Variants in FAM174A observed in about 807,000 individuals in gnomAD.
FAM174A encodes family with sequence similarity 174 member A.
In FAM174A, 14 loss-of-function variants were observed where a neutral mutation model predicts 14.3. The ratio of observed to expected loss-of-function variants is 0.98; its 90% CI spans 0.65 to 1.53. The LOEUF (loss-of-function observed/expected upper bound fraction) is 1.53. FAM174A is among the 40% of genes most tolerant of loss of function. The pLI, the probability that FAM174A is intolerant of heterozygous loss-of-function variation, is 0.00. For synonymous variants in FAM174A, 108 were observed against 111.4 expected, an observed-to-expected ratio of 0.97 and a Z score of 0.19; for missense variants, 241 against 249.6, an observed-to-expected ratio of 0.97 and a Z score of 0.23.
At chr5:100,573,960 T>G (rs572204912) in intron 2 of FAM174A, among the ~76,000 whole-genome samples, 28 of 151,164 alleles carry the variant, frequency 1.9e-4, no homozygotes, top group South Asian at 6.3e-4. Context: ...AACCTGAGGG[T>G]TTTTTTTTCT....
At chr5:100,549,527 T>G (rs1425154838) in intron 1 of FAM174A, among the ~76,000 whole-genome samples, 1 of 151,850 alleles carries the variant, frequency 6.6e-6, no homozygotes, top group Non-Finnish European at 1.5e-5. Context: ...TGTACTGAAT[T>G]ACAAGGAGTT....
intron 2 of FAM174A, among the ~76,000 whole-genome samples, chr5:100,566,036 G>T (rs1003610256): frequency 1.9e-4 from 28 of 150,108 alleles, no homozygotes; most frequent in Non-Finnish European, 2.2e-4. Context: ...CTCCCACCAG[G>T]TTCCTTCCAT....
rs1454469590 is a variant in FAM174A at position 100,586,486 on chromosome 5, A to C, written c.*302A>C. The C allele has an allele frequency of 2.1e-5, 4 of 193,952 alleles. No homozygotes were observed. Among genetic ancestry groups the C allele is most frequent in the Non-Finnish European group, 4.2e-5 (4 of 95,778 alleles). 12.0% of individuals were successfully genotyped at this position (193,952 alleles called of 1,614,324 possible). A position where few individuals can be genotyped will look rare whatever the true frequency, so the allele number is the denominator to read the frequency against. On this transcript the variant is annotated 3_prime_UTR_variant, in exon 3 of 3. Transcript: ENST00000312637. ...TCGGTTTTTGTTTCCTGCTTACCAT[A>C]TGATTGTAAATTGTTTTATGTATTA...
intron 1 of FAM174A, among the ~76,000 whole-genome samples, chr5:100,545,798 A>T (rs183807093): frequency 4.3e-4 from 65 of 152,334 alleles, no homozygotes; most frequent in African/African-American, 1.5e-3. Flanking sequence ...AATTCACATT[A>T]TTAATATATG....
chr5:100,543,911 A>C (rs1746114945), intron 1 of FAM174A, among the ~76,000 whole-genome samples: 1 of 152,240 alleles, frequency 6.6e-6, no homozygotes, highest in Admixed American at 6.5e-5. Context: ...GTGATTCCAG[A>C]CCATTTTGAG....
chr5:100,555,190 G>C lies in FAM174A; in HGVS notation c.435-6864G>C, dbSNP rs546103295. 2.1e-5 allele frequency among the ~76,000 whole-genome samples: 3 copies of C among 145,362 alleles called. No homozygotes were observed. The East Asian group carries it at 6.3e-4, about 31-fold the overall frequency. On this transcript the variant is annotated intron_variant, in intron 1 of 2. Coordinates refer to ENST00000312637, the MANE Select transcript of FAM174A (RefSeq NM_198507.3). ...GAGAACATGCGGTGTTTGGTTTTTT[G>C]TCCTTGCGACAGTTTGCTGAGAATG...
At chr5:100,581,484 GGC>G (rs1481242152) in intron 2 of FAM174A, 2 of 672,076 alleles carry the variant, frequency 3.0e-6, no homozygotes, top group Non-Finnish European at 3.7e-6. Context: ...CCAGCATGGT[GGC>G]TCATGCCTGT....
chr5:100,558,538 T>C (rs1004274531), intron 1 of FAM174A, among the ~76,000 whole-genome samples: 1 of 152,124 alleles, frequency 6.6e-6, no homozygotes, highest in African/African-American at 2.4e-5. Context: ...GACAGTGGGG[T>C]ATTAAAGTCT....
chr5:100,535,854 C>T lies in FAM174A; in HGVS notation c.324C>T (p.Gly108=). Residue 108 remains glycine (G), a synonymous_variant, in exon 1 of 3, where the codon GGC becomes GGT. Transcript: ENST00000312637. ...CCGGGGAAGGCTCGGTGGGTGGCGG[C>T]CTTGCTGTGAGCCCCAACCCTGGCG... is the stretch of plus-strand genomic sequence containing the variant. ...GKAGEGSVGG[G]LAVSPNPGDK... is the part of the protein sequence containing the mutation. The T allele has an allele frequency of 6.2e-7, 1 of 1,612,308 alleles. No homozygotes were observed.
rs1580381708 is a variant in FAM174A at position 100,586,423 on chromosome 5, T to C, written c.*239T>C. 2 of 275,102 alleles carry C rather than the reference T, an allele frequency of 7.3e-6. No individual in the cohort carries two copies. The highest frequency in any genetic ancestry group is 1.1e-4 in the East Asian group (2 of 18,148). The allele number at this position is 275,102 out of a possible 1,614,324, so 17.0% of individuals were successfully genotyped here. On this transcript the variant is annotated 3_prime_UTR_variant, in exon 3 of 3. Coordinates refer to ENST00000312637, the MANE Select transcript of FAM174A (RefSeq NM_198507.3). ...GGGGATAAAGTATACTGTAATAATT[T>C]ATCTGTTTGAAAATTACTATAAAAC... is the stretch of plus-strand genomic sequence containing the variant.
chr5:100,578,541 T>C (rs190659002), intron 2 of FAM174A, among the ~76,000 whole-genome samples: 18 of 152,332 alleles, frequency 1.2e-4, no homozygotes, highest in Admixed American at 7.8e-4. Flanking sequence ...AGGATGACAC[T>C]AGAATTCAGG....
chr5:100,539,460 T>G (rs1314790835), intron 1 of FAM174A, among the ~76,000 whole-genome samples: 1 of 152,144 alleles, frequency 6.6e-6, no homozygotes, highest in Non-Finnish European at 1.5e-5. Flanking sequence ...AACGTTAGGT[T>G]TTTTCAAAGA....
Position 100,535,555 on chromosome 5 carries a change from T to TGTC in FAM174A, c.26_28dup (p.Cys9_Leu10insArg). The TGTC allele has an allele frequency of 1.2e-6, 2 of 1,613,160 alleles. No homozygotes were observed. The highest frequency in any genetic ancestry group is 1.7e-6 in the Non-Finnish European group (2 of 1,179,946). On this transcript the variant is annotated inframe_insertion, in exon 1 of 3. Transcript: ENST00000312637. Reference sequence around the variant, plus strand: ...GATGAAGGCCTCGCAGTGCTGCTGCTGTCTCAGCCACCTCTTGGCTTCCGT... The same window carrying TGTC: ...GATGAAGGCCTCGCAGTGCTGCTGCTGTCGTCTCAGCCACCTCTTGGCTTCCGT...
At chr5:100,562,023 T>C in intron 1 of FAM174A, 31 bp from the exon 2 acceptor site, 1 of 1,294,876 alleles carries the variant, frequency 7.7e-7, no homozygotes, top group Non-Finnish European at 1.1e-6. Flanking sequence ...TATTAAATAA[T>C]TTTTATTCAT....
At chr5:100,568,007 G>T (rs929535313) in intron 2 of FAM174A, among the ~76,000 whole-genome samples, 4 of 151,882 alleles carry the variant, frequency 2.6e-5, no homozygotes, top group Non-Finnish European at 5.9e-5. Context: ...ATTCTTGCCT[G>T]ATCTAATCTT....
chr5:100,580,491 G>A (rs765385590), intron 2 of FAM174A, among the ~76,000 whole-genome samples: 4 of 152,164 alleles, frequency 2.6e-5, no homozygotes, highest in African/African-American at 7.2e-5. Context: ...TCCGATATTC[G>A]ACGACAGGAA....
intron 2 of FAM174A, among the ~76,000 whole-genome samples, chr5:100,564,391 G>A (rs898757958): frequency 6.6e-6 from 1 of 151,690 alleles, no homozygotes; most frequent in African/African-American, 2.4e-5. Context: ...ATTGCTAGGA[G>A]AGAAGTTTAT....
chr5:100,545,371 G>A lies in FAM174A; in HGVS notation c.434+9407G>A, dbSNP rs528984107. Among the ~76,000 whole-genome samples, 18 of 152,070 alleles carry A rather than the reference G, an allele frequency of 1.2e-4. 1 individual carries two copies. The highest frequency in any genetic ancestry group is 2.9e-4 in the African/African-American group (12 of 41,508). On this transcript the variant is annotated intron_variant, in intron 1 of 2. Transcript: ENST00000312637. Reference sequence around the variant, plus strand: ...CTTAAGAAATCAGGTTTTCCTTGGCGTTTTTGGATAGATTTTTATTGCTAT... The same window carrying A: ...CTTAAGAAATCAGGTTTTCCTTGGCATTTTTGGATAGATTTTTATTGCTAT...
At chr5:100,584,127 T>A (rs1747074076) in intron 2 of FAM174A, among the ~76,000 whole-genome samples, 1 of 152,154 alleles carries the variant, frequency 6.6e-6, no homozygotes, top group African/African-American at 2.4e-5. Flanking sequence ...GAAAAAGAGT[T>A]TTCAGTGTCC....
Sources: allele counts gnomAD v4.1 joint callset (sites outside exome capture counted in the v4.1 genomes callset), GRCh38; gene constraint gnomAD v4.1.1; transcripts MANE v1.5; gene names NCBI Gene and HGNC (gene_info 2026-07-23, HGNC 2026-07-21).